TENT2: variants seen among roughly 807,000 people sequenced by gnomAD.
TENT2 encodes terminal nucleotidyltransferase 2, also known as poly(A) RNA polymerase GLD2.
TENT2 carries 44 observed loss-of-function variants against 72.2 expected under a neutral mutation model. That is an observed-to-expected ratio of 0.61 (90% CI 0.48 to 0.78). The LOEUF (loss-of-function observed/expected upper bound fraction) is 0.78. Among genes scored for constraint, TENT2 ranks in the 30% least tolerant of loss-of-function variants. The pLI is 0.00. For synonymous variants in TENT2, 212 were observed against 192.5 expected, an observed-to-expected ratio of 1.10 and a Z score of -0.84; for missense variants, 541 against 569.6, an observed-to-expected ratio of 0.95 and a Z score of 0.51.
intron 6 of TENT2, 115 bp from the exon 7 acceptor site, chr5:79,642,717 A>G: frequency 1.3e-6 from 1 of 772,174 alleles, no homozygotes; most frequent in East Asian, 2.8e-5. Context: ...ATATTGAAAA[A>G]TAACTCCAAA....
intron 7 of TENT2, among the ~76,000 whole-genome samples, chr5:79,643,300 C>T (rs531337568): frequency 6.6e-6 from 1 of 152,236 alleles, no homozygotes; most frequent in East Asian, 1.9e-4. Context: ...ATCTGGCTTG[C>T]AATGATATGC....
Position 79,623,337 on chromosome 5 carries a change from C to T in TENT2, c.313C>T (p.Gln105Ter), listed in dbSNP as rs769715022. The change falls in exon 4 of 15, where the codon CAG (glutamine) becomes TAG (stop). Residue 105 changes from glutamine to a stop codon, truncating the protein, a stop_gained. Transcript: ENST00000453514. LOFTEE classifies it high-confidence loss of function. ...SPHQEPTVVN[Q>*]IVPLSGERRY... ...CCACCAAGAGCCAACTGTAGTTAACCAGATAGTGCCTTTATCAGGTGAACG... is the reference window on the plus strand; with the variant it reads ...CCACCAAGAGCCAACTGTAGTTAACTAGATAGTGCCTTTATCAGGTGAACG... 6.2e-7 allele frequency: 1 copy of T among 1,613,424 alleles called. No homozygotes were observed. Among genetic ancestry groups the T allele is most frequent in the Non-Finnish European group, 8.5e-7 (1 of 1,179,792 alleles).
At chr5:79,674,928 A>G (rs1816007931) in intron 12 of TENT2, among the ~76,000 whole-genome samples, 1 of 152,118 alleles carries the variant, frequency 6.6e-6, no homozygotes, top group African/African-American at 2.4e-5. Context: ...TTATTTTTTG[A>G]TAGATTGAGT....
intron 13 of TENT2, chr5:79,681,724 A>G (rs1052305152): frequency 1.1e-5 from 3 of 274,528 alleles, no homozygotes. Flanking sequence ...TTTATGATTT[A>G]GACTTAACAC....
At chr5:79,655,611 A>T (rs1797361067) in intron 10 of TENT2, among the ~76,000 whole-genome samples, 1 of 152,082 alleles carries the variant, frequency 6.6e-6, no homozygotes, top group African/African-American at 2.4e-5. Flanking sequence ...ATAGAGAGAC[A>T]TTTAGAATTA....
chr5:79,615,134 C>G (rs1393294392), intron 1 of TENT2: 2 of 152,150 alleles, frequency 1.3e-5, no homozygotes, highest in East Asian at 3.8e-4. Context: ...GATTTCTGCC[C>G]TAGACTAAAC....
rs1460347930 is a variant in TENT2, at chr5:79,679,567, T to C, written c.1209-12T>C. On this transcript the variant is annotated splice_polypyrimidine_tract_variant and intron_variant, in intron 12 of 14. Transcript: ENST00000453514. ...AAAATAGTTAACATGGTTACTGTTT[T>C]TCTTCTTATAGCTGGAATAGTCAAA... is the stretch of plus-strand genomic sequence containing the variant. 1.3e-6 allele frequency: 2 copies of C among 1,565,580 alleles called. No homozygotes were observed. Among genetic ancestry groups the C allele is most frequent in the South Asian group, 1.2e-5 (1 of 85,478 alleles).
At chr5:79,666,997 T>G (rs143969241) in intron 11 of TENT2, among the ~76,000 whole-genome samples, 4 of 151,008 alleles carry the variant, frequency 2.6e-5, no homozygotes, top group East Asian at 3.9e-4. Flanking sequence ...ACCTGACTCT[T>G]TGTGTGTGAC....
intron 12 of TENT2, among the ~76,000 whole-genome samples, chr5:79,675,242 GAATCTAGAGCACA>G (rs888903493): frequency 3.9e-5 from 6 of 152,154 alleles, no homozygotes; most frequent in African/African-American, 1.4e-4. Context: ...AGAATGGTTG[GAATCTAGAGCACA>G]AATAGAATAG....
At chr5:79,635,961 G>T (rs1347077962) in intron 4 of TENT2, among the ~76,000 whole-genome samples, 1 of 152,196 alleles carries the variant, frequency 6.6e-6, no homozygotes, top group East Asian at 1.9e-4. Flanking sequence ...TGGCAGAAGG[G>T]CCAGATAGTA....
chr5:79,658,860 T>TTATC (rs141214782), intron 11 of TENT2, among the ~76,000 whole-genome samples: 30,647 of 151,780 alleles, frequency 0.2, 4,543 homozygotes, highest in African/African-American at 0.42. Context: ...GTTTTTCTTA[T>TTATC]TAGCTTTCTC....
chr5:79,663,820 C>T (rs58919140), intron 11 of TENT2, among the ~76,000 whole-genome samples: 30,779 of 152,046 alleles, frequency 0.2, 4,602 homozygotes, highest in African/African-American at 0.42. Flanking sequence ...TTGCTAGATG[C>T]ACCGTTGCCA....
At position 79,645,044 on chromosome 5, in the gene TENT2, A is replaced by AT. The variant is rs199706828; in HGVS notation, c.752-73dup. ...AAATTATTTTAGCTTAGTAAATACT[A>AT]TTTTTTAAAAAATGTGCGTTGGAAC... On this transcript the variant is annotated intron_variant, in intron 7 of 14. Coordinates refer to ENST00000453514, the MANE Select transcript of TENT2 (RefSeq NM_001114394.3). 3.9e-3 allele frequency: 4,465 copies of AT among 1,138,240 alleles called. 140 individuals are homozygous for AT. The African/African-American group carries it at 0.062, about 16-fold the overall frequency. The allele number at this position is 1,138,240 out of a possible 1,614,324, so 70.5% of individuals were successfully genotyped here. A position where few individuals can be genotyped will look rare whatever the true frequency, so the allele number is the denominator to read the frequency against.
At chr5:79,648,726 CT>C (rs1465263607) in intron 9 of TENT2, 33 bp downstream of exon 9, 5 of 1,458,326 alleles carry the variant, frequency 3.4e-6, no homozygotes, top group Admixed American at 2.1e-5. Context: ...AAAAATTAGC[CT>C]TTTTTTCTTT....
intron 14 of TENT2, among the ~76,000 whole-genome samples, chr5:79,684,588 T>TA: frequency 6.6e-6 from 1 of 152,236 alleles, no homozygotes; most frequent in East Asian, 1.9e-4. Context: ...AAAAAGCTAG[T>TA]AAAGATGTAA....
intron 10 of TENT2, 164 bp from the exon 11 acceptor site, chr5:79,656,794 A>T: frequency 1.9e-6 from 1 of 516,608 alleles, no homozygotes; most frequent in Non-Finnish European, 3.4e-6. Context: ...AATATATTTT[A>T]AATACAAACT....
chr5:79,652,716 T>C (rs1795086080), intron 10 of TENT2, among the ~76,000 whole-genome samples: 1 of 152,086 alleles, frequency 6.6e-6, no homozygotes, highest in South Asian at 2.1e-4. Flanking sequence ...GGTTTGATGA[T>C]TGATTTGCCC....
chr5:79,664,917 C>G (rs1230622366), intron 11 of TENT2, among the ~76,000 whole-genome samples: 2 of 152,154 alleles, frequency 1.3e-5, no homozygotes, highest in Non-Finnish European at 2.9e-5. Context: ...GGTGATGCTT[C>G]ACACTTCAGT....
chr5:79,622,987 G>T (rs1428141014), intron 3 of TENT2, among the ~76,000 whole-genome samples: 1 of 151,912 alleles, frequency 6.6e-6, no homozygotes, highest in African/African-American at 2.4e-5. Context: ...TGAAACATTG[G>T]GGTAGTTCAA....
Sources: gnomAD v4.1 joint callset for allele counts (sites outside exome capture counted in the v4.1 genomes callset) on GRCh38, gnomAD v4.1.1 for gene constraint, MANE v1.5 for transcripts, NCBI Gene and HGNC (gene_info 2026-07-23, HGNC 2026-07-21) for gene names.